COL12A1: variants seen among roughly 807,000 people sequenced by gnomAD.
The protein encoded by COL12A1 is collagen type XII alpha 1 chain, also known as collagen alpha-1(XII) chain.
A neutral mutation model predicts 349.7 loss-of-function variants in COL12A1; 114 were observed. The ratio of observed to expected loss-of-function variants is 0.33; its 90% CI spans 0.28 to 0.38. The LOEUF is 0.38. Among genes scored for constraint, COL12A1 ranks in the 10% least tolerant of loss-of-function variants. The pLI is 1.00. For missense variants in COL12A1, 3,284 were observed against 3,756.9 expected (o/e 0.87, Z 3.29); for synonymous variants, 1,369 against 1,329.0 (o/e 1.03, Z -0.66).
chr6:75,094,349 T>C (rs936795643), intron 60 of COL12A1, among the ~76,000 whole-genome samples: 12 of 150,108 alleles, frequency 8.0e-5, no homozygotes, highest in Non-Finnish European at 1.8e-4. Context: ...TATTTCAGGA[T>C]GCTATTTGGA....
chr6:75,160,882 C>A (rs147907920), intron 14 of COL12A1, among the ~76,000 whole-genome samples: 1 of 152,264 alleles, frequency 6.6e-6, no homozygotes, highest in East Asian at 1.9e-4. Flanking sequence ...AAAAACATCA[C>A]CAAACTTCTC....
chr6:75,143,766 T>C (rs770772498), intron 25 of COL12A1, among the ~76,000 whole-genome samples: 7 of 152,064 alleles, frequency 4.6e-5, no homozygotes, highest in Non-Finnish European at 7.4e-5. Flanking sequence ...ACAAAATCAA[T>C]AGAGTTATGC....
chr6:75,138,696 C>A, intron 28 of COL12A1, 116 bp from the exon 29 acceptor site: 1 of 1,548,178 alleles, frequency 6.5e-7, no homozygotes, highest in Admixed American at 1.8e-5. Context: ...TGCTCTGATG[C>A]ATGTCATGAG....
At chr6:75,169,935 A>G (rs1470454932) in intron 13 of COL12A1, among the ~76,000 whole-genome samples, 4 of 152,058 alleles carry the variant, frequency 2.6e-5, no homozygotes, top group Non-Finnish European at 4.4e-5. Flanking sequence ...TTCAAAAGCC[A>G]TTTTTCTAGT....
At chr6:75,182,480 T>A (rs1769368971) in intron 10 of COL12A1, among the ~76,000 whole-genome samples, 1 of 152,090 alleles carries the variant, frequency 6.6e-6, no homozygotes, top group African/African-American at 2.4e-5. Context: ...TCTGTTCTTG[T>A]GTTAGTTTGC....
chr6:75,149,931 A>G (rs1767397676), intron 21 of COL12A1, among the ~76,000 whole-genome samples: 1 of 152,186 alleles, frequency 6.6e-6, no homozygotes, highest in Non-Finnish European at 1.5e-5. Context: ...ATCAAGAGCC[A>G]GAAGCCTACA....
chr6:75,105,378 A>T, intron 53 of COL12A1, 86 bp from the exon 54 acceptor site: 1 of 875,264 alleles, frequency 1.1e-6, no homozygotes, highest in Non-Finnish European at 1.8e-6. Flanking sequence ...TGCACAAGGA[A>T]GTCTGTTTCC....
chr6:75,123,582 G>C (rs1348407417), intron 42 of COL12A1, among the ~76,000 whole-genome samples, 178 bp from the exon 43 acceptor site: 1 of 152,084 alleles, frequency 6.6e-6, no homozygotes, highest in Non-Finnish European at 1.5e-5. Flanking sequence ...GATGTCACTG[G>C]TAGTCATTCA....
chr6:75,154,663 A>T, intron 16 of COL12A1, 126 bp from the exon 17 acceptor site: 1 of 903,110 alleles, frequency 1.1e-6, no homozygotes, highest in Non-Finnish European at 1.5e-6. Context: ...TTTATAGTGT[A>T]CAACATTATA....
At chr6:75,191,998 A>G (rs1769954132) in intron 4 of COL12A1, among the ~76,000 whole-genome samples, 1 of 151,960 alleles carries the variant, frequency 6.6e-6, no homozygotes, top group South Asian at 2.1e-4. Context: ...AACATTTTTA[A>G]TGGTCTTCAT....
In COL12A1 at chr6:75,085,533, C is replaced by A; in HGVS notation, c.*1014G>T. The A allele has an allele frequency of 3.4e-6, 1 of 291,782 alleles. No individual in the cohort carries two copies. Among genetic ancestry groups the A allele is most frequent in the Middle Eastern group, 1.2e-3 (1 of 866 alleles). The allele number at this position is 291,782 out of a possible 1,614,324, so 18.1% of individuals were successfully genotyped here. On this transcript the variant is annotated 3_prime_UTR_variant, in exon 66 of 66. Coordinates refer to ENST00000322507, the MANE Select transcript of COL12A1 (RefSeq NM_004370.6). ...TATTTCCAGATAATTTGGTGATAAT[C>A]AAATAATGAAATGGCACTTTCTTAA...
In COL12A1 at chr6:75,090,273, C is replaced by T. The variant is rs1401755705; in HGVS notation, c.8778G>A (p.Met2926Ile). The T allele has an allele frequency of 6.2e-7, 1 of 1,612,434 alleles. No homozygotes were observed. Among genetic ancestry groups the T allele is most frequent in the Admixed American group, 1.7e-5 (1 of 59,946 alleles). ...ISGQMNRFNQ[M>I]LNQIPNDYQS... ...GGTAATCATTTGGAATCTGATTCAG[C>T]ATCTGATTGAATCTGTTCATCTGAC... is the stretch of plus-strand genomic sequence containing the variant. Residue 2926 changes from methionine (M) to isoleucine (I), a missense_variant, in exon 63 of 66, where the codon ATG (methionine) becomes ATA (isoleucine). Physicochemically the swap from Met to Ile is conservative, Grantham distance 10. Around this residue, in one of 2 missense-constraint regions of COL12A1, gnomAD observed 683 missense variants for 932.1 expected, o/e 0.73. Transcript: ENST00000322507. The surrounding 1 kb of genome is among the most constrained non-coding windows in gnomAD (Gnocchi z 4.1).
chr6:75,191,887 A>G, intron 4 of COL12A1, 127 bp from the exon 5 acceptor site: 2 of 524,926 alleles, frequency 3.8e-6, no homozygotes, highest in East Asian at 3.3e-5. Flanking sequence ...CCAGCTGGTC[A>G]TAGAATACTG....
chr6:75,105,359 C>T (rs542531797), intron 53 of COL12A1, 67 bp from the exon 54 acceptor site: 1 of 1,061,488 alleles, frequency 9.4e-7, no homozygotes, highest in East Asian at 2.5e-5. Flanking sequence ...ATCCCCACCC[C>T]CACTTACATG....
In COL12A1 at chr6:75,175,207, T is replaced by A; in HGVS notation, c.2541A>T (p.Thr847=). The A allele has an allele frequency of 6.2e-7, 1 of 1,614,196 alleles. No homozygotes were observed. Among genetic ancestry groups the A allele is most frequent in the Non-Finnish European group, 8.5e-7 (1 of 1,180,030 alleles). The change falls in exon 13 of 66, where the codon ACA becomes ACT. Residue 847 remains threonine, a synonymous_variant. Transcript: ENST00000322507. ...TTTCACCCCCTGCCACTGGGGTATATGTGACGAGATACTGTTTCACTTTTC... is the reference window on the plus strand; with the variant it reads ...TTTCACCCCCTGCCACTGGGGTATAAGTGACGAGATACTGTTTCACTTTTC... ...APGKVKQYLV[T]YTPVAGGETQ... is the part of the protein sequence containing the mutation.
chr6:75,188,265 G>T, intron 8 of COL12A1, 97 bp downstream of exon 8: 2 of 1,312,512 alleles, frequency 1.5e-6, no homozygotes, highest in Non-Finnish European at 2.1e-6. Context: ...ATCACTGGAA[G>T]AAATATTTAA....
At position 75,165,612 on chromosome 6, in the gene COL12A1, T is replaced by C; in HGVS notation, c.2878A>G (p.Thr960Ala). The C allele has an allele frequency of 6.2e-7, 1 of 1,614,002 alleles. No individual in the cohort carries two copies. Among genetic ancestry groups the C allele is most frequent in the Non-Finnish European group, 8.5e-7 (1 of 1,179,930 alleles). ...TCTGGCTGCAGATTTTCTATCATCGTATGAATTGCATCTTCAGGCAGATTT... is the reference window on the plus strand; with the variant it reads ...TCTGGCTGCAGATTTTCTATCATCGCATGAATTGCATCTTCAGGCAGATTT... ...EKNLPEDAIH[T>A]MIENLQPETK... The change falls in exon 14 of 66, where the codon ACG becomes GCG. Residue 960 changes from threonine (T) to alanine (A), a missense_variant. Thr to Ala is a moderately conservative substitution (Grantham distance 58). Transcript: ENST00000322507.
intron 1 of COL12A1, among the ~76,000 whole-genome samples, chr6:75,204,444 A>C (rs1241996865): frequency 6.6e-6 from 1 of 152,140 alleles, no homozygotes; most frequent in Non-Finnish European, 1.5e-5. Context: ...AGCTGCAAGA[A>C]TGAATCATCT....
intron 2 of COL12A1, among the ~76,000 whole-genome samples, chr6:75,195,537 A>C (rs1392760087): frequency 6.6e-6 from 1 of 152,204 alleles, no homozygotes; most frequent in African/African-American, 2.4e-5. Context: ...AATGAAAATA[A>C]GGAATCATGG....
Sources: allele counts gnomAD v4.1 joint callset (sites outside exome capture counted in the v4.1 genomes callset), GRCh38; gene constraint gnomAD v4.1.1; regional missense constraint gnomAD v4.1.1; non-coding constraint Gnocchi (gnomAD v3.1); transcripts MANE v1.5; gene names NCBI Gene and HGNC (gene_info 2026-07-23, HGNC 2026-07-21).